Variants in NEGR1 observed in about 807,000 individuals in gnomAD.
NEGR1 encodes the protein IgLON family member 4.
A neutral mutation model predicts 40.9 loss-of-function variants in NEGR1; 10 were observed. The ratio of observed to expected loss-of-function variants is 0.24; its 90% CI spans 0.15 to 0.42. The LOEUF (loss-of-function observed/expected upper bound fraction) is 0.42, where lower values mean the gene tolerates loss of function less well. Among genes scored for constraint, NEGR1 ranks in the 10% least tolerant of loss-of-function variants. The pLI, the probability that NEGR1 is intolerant of heterozygous loss-of-function variation, is 1.00. For synonymous variants in NEGR1, 185 were observed against 166.8 expected (o/e 1.11, Z -0.84); for missense variants, 352 against 438.9 (o/e 0.80, Z 1.77).
chr1:72,047,892 A>G (rs1244470528), intron 1 of NEGR1, among the ~76,000 whole-genome samples: 7 of 151,598 alleles, frequency 4.6e-5, no homozygotes, highest in Non-Finnish European at 8.9e-5. Flanking sequence ...TTCTGTATAG[A>G]AGCATATAGC....
chr1:72,276,513 C>T (rs567293435), intron 1 of NEGR1, among the ~76,000 whole-genome samples: 80 of 152,104 alleles, frequency 5.3e-4, no homozygotes, highest in African/African-American at 1.7e-3. Flanking sequence ...CACATAAGAA[C>T]GTTATATATT....
rs147018871 is a variant in NEGR1 at position 71,782,286 on chromosome 1, C to G, written c.410-5989G>C. Among the ~76,000 whole-genome samples, 1,053 of 152,194 alleles carry G rather than the reference C, an allele frequency of 6.9e-3. 9 individuals are homozygous for G. The highest frequency in any genetic ancestry group is 0.024 in the African/African-American group (1,003 of 41,528). ...AGAAAACAGGCCCTCTCCAGTGCCT[C>G]GATCTTGGACTTCCCAGCCTCCAGA... is the stretch of plus-strand genomic sequence containing the variant. On this transcript the variant is annotated intron_variant, in intron 2 of 6. Coordinates refer to ENST00000357731, the MANE Select transcript of NEGR1 (RefSeq NM_173808.3).
chr1:71,742,215 A>G (rs1481242556), intron 3 of NEGR1, among the ~76,000 whole-genome samples: 2 of 152,162 alleles, frequency 1.3e-5, no homozygotes, highest in East Asian at 3.9e-4. Context: ...CCAGGAACCA[A>G]ATCAGCCTAA....
intron 1 of NEGR1, among the ~76,000 whole-genome samples, chr1:71,936,738 T>C (rs1645908851): frequency 6.6e-6 from 1 of 152,152 alleles, no homozygotes; most frequent in Non-Finnish European, 1.5e-5. Context: ...TTACTGGATT[T>C]TAAGGTCAAA....
At chr1:72,040,791 G>T (rs1407973192) in intron 1 of NEGR1, among the ~76,000 whole-genome samples, 1 of 151,694 alleles carries the variant, frequency 6.6e-6, no homozygotes, top group African/African-American at 2.4e-5. Flanking sequence ...AATTGAAGTT[G>T]TAAAAAATAG....
At chr1:71,877,923 T>A (rs1020093163) in intron 2 of NEGR1, among the ~76,000 whole-genome samples, 5 of 152,174 alleles carry the variant, frequency 3.3e-5, no homozygotes, top group Non-Finnish European at 7.3e-5. Flanking sequence ...AGGATTACAG[T>A]AAAATATACC....
chr1:71,532,712 A>T (rs1305907899), intron 6 of NEGR1, among the ~76,000 whole-genome samples: 3 of 151,736 alleles, frequency 2.0e-5, no homozygotes, highest in South Asian at 4.1e-4. Context: ...ACAGGAGGAC[A>T]TATCACAGAT....
chr1:71,644,568 T>C (rs1229086923), intron 4 of NEGR1, among the ~76,000 whole-genome samples: 1 of 151,960 alleles, frequency 6.6e-6, no homozygotes, highest in Non-Finnish European at 1.5e-5. Context: ...TGAGACAATG[T>C]CTGACATATG....
chr1:71,978,574 G>T (rs1646326762), intron 1 of NEGR1, among the ~76,000 whole-genome samples: 1 of 152,036 alleles, frequency 6.6e-6, no homozygotes, highest in Admixed American at 6.6e-5. Flanking sequence ...TTCAAAGGAA[G>T]ACATACATGT....
chr1:72,220,408 C>T (rs1216680803), intron 1 of NEGR1, among the ~76,000 whole-genome samples: 6 of 151,892 alleles, frequency 4.0e-5, no homozygotes, highest in African/African-American at 1.5e-4. Flanking sequence ...CCCCTCCCCT[C>T]CCTGTCCTCT....
intron 1 of NEGR1, among the ~76,000 whole-genome samples, chr1:72,249,546 G>T (rs1655016511): frequency 6.6e-6 from 1 of 152,100 alleles, no homozygotes. Flanking sequence ...CTGACCCAAA[G>T]AAATTTAGAT....
chr1:71,762,950 G>C (rs1188631995), intron 3 of NEGR1, among the ~76,000 whole-genome samples: 2 of 151,768 alleles, frequency 1.3e-5, no homozygotes, highest in African/African-American at 2.4e-5. Flanking sequence ...GCCAGAAAAA[G>C]TTCTGAACAT....
chr1:71,602,235 A>C (rs1166738791), intron 5 of NEGR1, among the ~76,000 whole-genome samples: 1 of 82,232 alleles, frequency 1.2e-5, no homozygotes, highest in Non-Finnish European at 2.5e-5. Flanking sequence ...GCCCATGATT[A>C]TTCTTTTTTT....
intron 1 of NEGR1, among the ~76,000 whole-genome samples, chr1:72,060,154 T>C (rs976329768): frequency 6.6e-6 from 1 of 151,708 alleles, no homozygotes; most frequent in Non-Finnish European, 1.5e-5. Context: ...CCCATGTCAA[T>C]AGCATTTCCA....
In NEGR1 at chr1:71,592,952, G is replaced by T. The variant is rs780342680; in HGVS notation, c.805C>A (p.Gln269Lys). ...CTAAAATTTTGAATAATAATTCCTT[G>T]TTGGCCATTGAAGAGCCTAGAAGAC... is the stretch of plus-strand genomic sequence containing the variant. ...KGEKKLFNGQQGIIIQNFSTR... is the reference protein window; with the variant it reads ...KGEKKLFNGQKGIIIQNFSTR... The change falls in exon 6 of 7, where the codon CAA becomes AAA. Residue 269 changes from glutamine (Q) to lysine (K), a missense_variant. Gln to Lys is a moderately conservative substitution (Grantham distance 53). Coordinates refer to ENST00000357731, the MANE Select transcript of NEGR1 (RefSeq NM_173808.3). 4.3e-6 allele frequency: 7 copies of T among 1,610,784 alleles called. No individual in the cohort carries two copies. The highest frequency in any genetic ancestry group is 5.9e-6 in the Non-Finnish European group (7 of 1,177,270).
chr1:71,513,093 A>G (rs1251875070), intron 6 of NEGR1, among the ~76,000 whole-genome samples: 1 of 152,206 alleles, frequency 6.6e-6, no homozygotes, highest in Non-Finnish European at 1.5e-5. Context: ...AATTATAGAT[A>G]CAATTCAGAG....
intron 6 of NEGR1, among the ~76,000 whole-genome samples, chr1:71,550,473 T>G (rs1042219625): frequency 6.6e-6 from 1 of 151,504 alleles, no homozygotes; most frequent in East Asian, 2.0e-4. Flanking sequence ...ACCCATTTTT[T>G]TTTTCCTGTC....
intron 1 of NEGR1, among the ~76,000 whole-genome samples, chr1:72,228,977 G>A (rs2100495010): frequency 6.6e-6 from 1 of 152,128 alleles, no homozygotes; most frequent in South Asian, 2.1e-4. Context: ...AAATGTCAAA[G>A]AAGGGTCTGA....
At chr1:71,832,713 CTT>C (rs1362127203) in intron 2 of NEGR1, among the ~76,000 whole-genome samples, 1 of 152,022 alleles carries the variant, frequency 6.6e-6, no homozygotes, top group Non-Finnish European at 1.5e-5. Flanking sequence ...GAAATAACAA[CTT>C]TAACAAATCA....
Sources: gnomAD v4.1 joint callset for allele counts (sites outside exome capture counted in the v4.1 genomes callset) on GRCh38, gnomAD v4.1.1 for gene constraint, MANE v1.5 for transcripts, NCBI Gene and HGNC (gene_info 2026-07-23, HGNC 2026-07-21) for gene names.